Variants in FUT9 observed in about 807,000 individuals in gnomAD.
FUT9 encodes the protein 4-galactosyl-N-acetylglucosaminide 3-alpha-L-fucosyltransferase 9.
A neutral mutation model predicts 29.7 loss-of-function variants in FUT9; 15 were observed. That is an observed-to-expected ratio of 0.51 (90% CI 0.34 to 0.78). The LOEUF (loss-of-function observed/expected upper bound fraction) is 0.78, where lower values mean the gene tolerates loss of function less well. FUT9 is among the 30% of genes least tolerant of loss of function. FUT9 has a pLI of 0.01. For missense variants in FUT9, 319 were observed against 425.4 expected (o/e 0.75, Z 2.20); for synonymous variants, 169 against 153.7 (o/e 1.10, Z -0.74).
At chr6:96,108,996 T>C (rs1349403352) in intron 1 of FUT9, among the ~76,000 whole-genome samples, 1 of 152,182 alleles carries the variant, frequency 6.6e-6, no homozygotes, top group Non-Finnish European at 1.5e-5. Context: ...AGAAAATGTA[T>C]GTTGAATTAA....
At chr6:96,090,477 T>C (rs1771393216) in intron 1 of FUT9, among the ~76,000 whole-genome samples, 1 of 151,894 alleles carries the variant, frequency 6.6e-6, no homozygotes, top group Admixed American at 6.6e-5. Context: ...TATCAACTCA[T>C]AATTATATCA....
rs17056203 is a variant in FUT9, at chr6:96,142,657, T to G, written c.-9+28530T>G. On this transcript the variant is annotated intron_variant, in intron 2 of 2. Transcript: ENST00000302103. ...AAGTTCATTTTTTTCTGTATGCAGA[T>G]CTATTATGAGGTCAGTATTGCAGGT... 5.1e-3 allele frequency among the ~76,000 whole-genome samples: 774 copies of G among 152,236 alleles called. 6 individuals carry two copies. The highest frequency in any genetic ancestry group is 0.018 in the African/African-American group (748 of 41,548).
chr6:96,152,084 G>C (rs1772687655), intron 2 of FUT9, among the ~76,000 whole-genome samples: 1 of 152,116 alleles, frequency 6.6e-6, no homozygotes, highest in African/African-American at 2.4e-5. Context: ...TTTTACATAG[G>C]GAGAGATCAG....
chr6:96,078,407 T>G (rs185580591), intron 1 of FUT9, among the ~76,000 whole-genome samples: 168 of 117,116 alleles, frequency 1.4e-3, no homozygotes, highest in South Asian at 7.4e-3. Context: ...ATATTAGTCT[T>G]CTTTTTTTTT....
intron 1 of FUT9, among the ~76,000 whole-genome samples, chr6:96,049,020 TG>T (rs1770616432): frequency 6.6e-6 from 1 of 152,210 alleles, no homozygotes; most frequent in Non-Finnish European, 1.5e-5. Context: ...TTCATAGTTT[TG>T]TTGTGAGTTC....
At chr6:96,072,887 GCACCATA>G (rs1460030757) in intron 1 of FUT9, among the ~76,000 whole-genome samples, 2 of 152,186 alleles carry the variant, frequency 1.3e-5, no homozygotes, top group African/African-American at 4.8e-5. Flanking sequence ...TAGTAATTAT[GCACCATA>G]CATAAAGCCT....
At chr6:96,161,579 A>G (rs555181833) in intron 2 of FUT9, among the ~76,000 whole-genome samples, 124 of 152,310 alleles carry the variant, frequency 8.1e-4, no homozygotes, top group South Asian at 1.4e-3. Context: ...AAGAATTTAA[A>G]TAGTTTCAGT....
At chr6:96,044,496 G>A (rs888997865) in intron 1 of FUT9, among the ~76,000 whole-genome samples, 1 of 152,170 alleles carries the variant, frequency 6.6e-6, no homozygotes, top group African/African-American at 2.4e-5. Flanking sequence ...GTATTTTCTA[G>A]CAGTGCTGCT....
intron 1 of FUT9, among the ~76,000 whole-genome samples, chr6:96,047,460 T>C (rs1319892936): frequency 3.9e-5 from 6 of 152,212 alleles, no homozygotes; most frequent in Non-Finnish European, 8.8e-5. Context: ...TTCTTGAGAT[T>C]GCTAACAAAT....
intron 1 of FUT9, among the ~76,000 whole-genome samples, chr6:96,021,904 T>A (rs890320546): frequency 1.3e-5 from 2 of 152,050 alleles, no homozygotes; most frequent in African/African-American, 4.8e-5. Context: ...CTTACGCCCA[T>A]GAAGGATCTG....
rs1379091386 is a variant in FUT9, at chr6:96,210,866, A to T, written c.*6631A>T. The T allele has an allele frequency of 1.2e-5, 2 of 166,782 alleles. No homozygotes were observed. The highest frequency in any genetic ancestry group is 2.9e-5 in the Non-Finnish European group (2 of 68,030). The allele number at this position is 166,782 out of a possible 1,614,324, so 10.3% of individuals were successfully genotyped here. A position where few individuals can be genotyped will look rare whatever the true frequency, so the allele number is the denominator to read the frequency against. On this transcript the variant is annotated 3_prime_UTR_variant, in exon 3 of 3. Transcript: ENST00000302103. ...ATCCAAGGTCTGCCATTCACTAGCT[A>T]TGTGCAAGTTACTCAACTTCTCTTA...
chr6:96,017,917 T>C (rs1252920233), intron 1 of FUT9, among the ~76,000 whole-genome samples: 1 of 152,192 alleles, frequency 6.6e-6, no homozygotes, highest in Non-Finnish European at 1.5e-5. Flanking sequence ...TGTTAGTTAA[T>C]ATTGCCTTAA....
chr6:96,196,294 T>C (rs1481904586), intron 2 of FUT9, among the ~76,000 whole-genome samples: 2 of 152,196 alleles, frequency 1.3e-5, no homozygotes, highest in African/African-American at 2.4e-5. Context: ...TTATGCTACA[T>C]GGGAGCCTTC....
intron 1 of FUT9, among the ~76,000 whole-genome samples, chr6:96,042,075 C>T (rs1770471195): frequency 6.6e-6 from 1 of 152,140 alleles, no homozygotes; most frequent in Non-Finnish European, 1.5e-5. Context: ...AGACTCTCTG[C>T]TCAGTTCACT....
chr6:96,190,599 T>A (rs952984938), intron 2 of FUT9, among the ~76,000 whole-genome samples: 1 of 152,138 alleles, frequency 6.6e-6, no homozygotes, highest in Non-Finnish European at 1.5e-5. Flanking sequence ...GGAGGCTTTG[T>A]TCGTTTCTTT....
chr6:96,029,909 AC>A (rs1195943944), intron 1 of FUT9, among the ~76,000 whole-genome samples: 1 of 151,670 alleles, frequency 6.6e-6, no homozygotes, highest in Non-Finnish European at 1.5e-5. Flanking sequence ...ATCACAGATC[AC>A]AAATTCTGCA....
intron 2 of FUT9, among the ~76,000 whole-genome samples, chr6:96,174,874 C>T (rs1274188598): frequency 6.6e-6 from 1 of 152,066 alleles, no homozygotes; most frequent in African/African-American, 2.4e-5. Context: ...ACATCACAAA[C>T]CAAAGCTCCT....
intron 2 of FUT9, among the ~76,000 whole-genome samples, chr6:96,118,680 A>G (rs1374492484): frequency 3.9e-5 from 6 of 152,194 alleles, no homozygotes; most frequent in African/African-American, 1.4e-4. Context: ...AGCCTCAGAC[A>G]GGTCTTTCAG....
chr6:96,025,345 G>A (rs1035955824), intron 1 of FUT9, among the ~76,000 whole-genome samples: 1 of 151,670 alleles, frequency 6.6e-6, no homozygotes. Context: ...TATTTAGCTT[G>A]CAATGACCTC....
Sources: gnomAD v4.1 joint callset for allele counts (sites outside exome capture counted in the v4.1 genomes callset) on GRCh38, gnomAD v4.1.1 for gene constraint, MANE v1.5 for transcripts, NCBI Gene and HGNC (gene_info 2026-07-23, HGNC 2026-07-21) for gene names.